Variants in SUGT1 observed in about 807,000 individuals in gnomAD.
The protein encoded by SUGT1 is protein SGT1 homolog.
In SUGT1, 15 loss-of-function variants were observed where a neutral mutation model predicts 56.1. The ratio of observed to expected loss-of-function variants is 0.27; its 90% CI spans 0.18 to 0.41. The LOEUF is 0.41. Ranked by LOEUF, SUGT1 falls within the 10% of genes least tolerant of loss-of-function variation. The pLI is 1.00. For synonymous variants in SUGT1, 123 were observed against 128.6 expected, an observed-to-expected ratio of 0.96 and a Z score of 0.30; for missense variants, 347 against 382.2, an observed-to-expected ratio of 0.91 and a Z score of 0.77.
At chr13:52,685,171 A>T (rs1963528629) in intron 12 of SUGT1, among the ~76,000 whole-genome samples, 1 of 149,322 alleles carries the variant, frequency 6.7e-6, no homozygotes, top group Admixed American at 6.7e-5. Flanking sequence ...AGCTGAAGTG[A>T]TCCTCCCACC....
At chr13:52,656,503 T>C (rs1055366103) in intron 2 of SUGT1, among the ~76,000 whole-genome samples, 1 of 152,234 alleles carries the variant, frequency 6.6e-6, no homozygotes, top group Non-Finnish European at 1.5e-5. Flanking sequence ...AATTGGACCA[T>C]GTTCCCCTTA....
intron 10 of SUGT1, among the ~76,000 whole-genome samples, chr13:52,673,425 TA>T (rs1462929612): frequency 6.6e-6 from 1 of 152,148 alleles, no homozygotes; most frequent in Non-Finnish European, 1.5e-5. Context: ...TTTACCTTTT[TA>T]AAAAAGCTAC....
At chr13:52,674,141 G>T (rs1248153641) in intron 10 of SUGT1, among the ~76,000 whole-genome samples, 1 of 134,112 alleles carries the variant, frequency 7.5e-6, no homozygotes, top group Non-Finnish European at 1.5e-5. Context: ...TGCAGCCTCC[G>T]CCTCCCAGAT....
chr13:52,660,738 G>A (rs992573482), intron 5 of SUGT1, among the ~76,000 whole-genome samples: 1 of 152,216 alleles, frequency 6.6e-6, no homozygotes, highest in African/African-American at 2.4e-5. Flanking sequence ...GTGAAGTTAT[G>A]TAGTGCCTTG....
intron 12 of SUGT1, chr13:52,687,158 T>G (rs1429149395): frequency 6.6e-6 from 1 of 151,842 alleles, no homozygotes; most frequent in East Asian, 1.9e-4. Flanking sequence ...AGGTGGTATA[T>G]TCAGTAGATG....
intron 5 of SUGT1, among the ~76,000 whole-genome samples, chr13:52,660,734 T>A (rs1962403857): frequency 6.6e-6 from 1 of 152,226 alleles, no homozygotes; most frequent in Admixed American, 6.5e-5. Context: ...TAGAGTGAAG[T>A]TATGTAGTGC....
intron 12 of SUGT1, among the ~76,000 whole-genome samples, chr13:52,682,346 A>G (rs1020409130): frequency 6.7e-6 from 1 of 149,532 alleles, no homozygotes; most frequent in Non-Finnish European, 1.5e-5. Flanking sequence ...CTACACATCC[A>G]TGCTGCCATG....
intron 12 of SUGT1, among the ~76,000 whole-genome samples, chr13:52,681,279 C>CTGG (rs1255677506): frequency 1.3e-5 from 2 of 150,646 alleles, no homozygotes; most frequent in Non-Finnish European, 3.0e-5. Flanking sequence ...TTAGCTAGGC[C>CTGG]TGGTGGCATG....
chr13:52,674,059 T>TTTC (rs1158279255), intron 10 of SUGT1, among the ~76,000 whole-genome samples: 3 of 143,124 alleles, frequency 2.1e-5, no homozygotes, highest in African/African-American at 7.8e-5. Flanking sequence ...TATACTTTTT[T>TTTC]TTTTTTTTTT....
intron 12 of SUGT1, among the ~76,000 whole-genome samples, chr13:52,683,422 T>A (rs1963453469): frequency 6.6e-6 from 1 of 152,220 alleles, no homozygotes; most frequent in Non-Finnish European, 1.5e-5. Context: ...ATGATTAATA[T>A]GATTGATTTT....
chr13:52,678,650 AG>A (rs1963246340), intron 11 of SUGT1, among the ~76,000 whole-genome samples: 1 of 148,504 alleles, frequency 6.7e-6, no homozygotes, highest in South Asian at 2.1e-4. Context: ...TATGAAAAAA[AG>A]AATATAAAAT....
rs1163916642 is a variant in SUGT1, at chr13:52,692,189, A to G, written c.*4354A>G. ...AGCATCCCATTATTGCAAATCAGAAAGATGATGGGGCCAAAGTAAAGTTCT... is the reference window on the plus strand; with the variant it reads ...AGCATCCCATTATTGCAAATCAGAAGGATGATGGGGCCAAAGTAAAGTTCT... On this transcript the variant is annotated 3_prime_UTR_variant, in exon 13 of 13. Transcript: ENST00000310528. 1 of 152,170 alleles carries G rather than the reference A, an allele frequency of 6.6e-6. No individual in the cohort carries two copies. The highest frequency in any genetic ancestry group is 1.5e-5 in the Non-Finnish European group (1 of 68,040). 9.4% of individuals were successfully genotyped at this position (152,170 alleles called of 1,614,324 possible). A position where few individuals can be genotyped will look rare whatever the true frequency, so the allele number is the denominator to read the frequency against.
At position 52,700,323 on chromosome 13, in the gene SUGT1, A is replaced by G. The variant is rs1319401831; in HGVS notation, c.*12488A>G. On this transcript the variant is annotated 3_prime_UTR_variant, in exon 13 of 13. Coordinates refer to ENST00000310528, the MANE Select transcript of SUGT1 (RefSeq NM_006704.5). ...AGCCTCAGCTATTTGCTATGTTTAT[A>G]TTATACCTGCATAAAAGTATTTATG... The G allele has an allele frequency of 6.6e-6, 1 of 152,164 alleles. No homozygotes were observed. The highest frequency in any genetic ancestry group is 1.5e-5 in the Non-Finnish European group (1 of 68,014). The allele number at this position is 152,164 out of a possible 1,614,324, so 9.4% of individuals were successfully genotyped here. A position where few individuals can be genotyped will look rare whatever the true frequency, so the allele number is the denominator to read the frequency against.
intron 12 of SUGT1, among the ~76,000 whole-genome samples, chr13:52,685,135 T>C (rs1963527472): frequency 6.6e-6 from 1 of 151,558 alleles, no homozygotes; most frequent in Non-Finnish European, 1.5e-5. Flanking sequence ...GGTGCGATCA[T>C]GAATCATTGC....
In SUGT1 at chr13:52,656,737, A is replaced by G. The variant is rs566217546; in HGVS notation, c.97-795A>G. 6.6e-5 allele frequency among the ~76,000 whole-genome samples: 10 copies of G among 152,350 alleles called. No homozygotes were observed. The South Asian group carries it at 1.2e-3, about 19-fold the overall frequency. ...ACACTACTAGGTTAAAGCAAAGTCA[A>G]TGATACATGTGGCTCTTGAAATAAT... is the stretch of plus-strand genomic sequence containing the variant. On this transcript the variant is annotated intron_variant, in intron 2 of 12. Transcript: ENST00000310528.
At chr13:52,666,772 A>G in intron 9 of SUGT1, 40 bp from the exon 10 acceptor site, 2 of 1,341,020 alleles carry the variant, frequency 1.5e-6, no homozygotes, top group Non-Finnish European at 2.1e-6. Flanking sequence ...CCTCCATTAT[A>G]TACATTTACA....
chr13:52,665,488 A>C, intron 8 of SUGT1, 149 bp from the exon 9 acceptor site: 1 of 565,312 alleles, frequency 1.8e-6, no homozygotes, highest in Non-Finnish European at 3.0e-6. Context: ...AAAACTAGTT[A>C]TATAAAGTTG....
At position 52,659,165 on chromosome 13, in the gene SUGT1, A is replaced by T; in HGVS notation, c.258-14A>T. The T allele has an allele frequency of 1.3e-6, 2 of 1,519,968 alleles. No homozygotes were observed. Among genetic ancestry groups the T allele is most frequent in the Non-Finnish European group, 1.8e-6 (2 of 1,140,694 alleles). 94.2% of individuals were successfully genotyped at this position (1,519,968 alleles called of 1,614,324 possible). On this transcript the variant is annotated splice_polypyrimidine_tract_variant and intron_variant, in intron 4 of 12. Transcript: ENST00000310528. ...TTTTGTGTGTCTTAATTTGTTTTAA[A>T]TATATTCATGCAGAATATGTGAATA...
At chr13:52,686,591 A>G (rs1963597662) in intron 12 of SUGT1, among the ~76,000 whole-genome samples, 1 of 152,234 alleles carries the variant, frequency 6.6e-6, no homozygotes, top group Non-Finnish European at 1.5e-5. Context: ...AAAAAAGCCC[A>G]TGTAAGGGAG....
Sources: gnomAD v4.1 joint callset for allele counts (sites outside exome capture counted in the v4.1 genomes callset) on GRCh38, gnomAD v4.1.1 for gene constraint, MANE v1.5 for transcripts, NCBI Gene and HGNC (gene_info 2026-07-23, HGNC 2026-07-21) for gene names.